Variants in ITPR2 observed in about 807,000 individuals in gnomAD.
ITPR2 encodes inositol 1,4,5-trisphosphate receptor type 2, also known as inositol 1,4,5-trisphosphate-gated calcium channel ITPR2.
ITPR2 carries 207 observed loss-of-function variants against 317.1 expected under a neutral mutation model. That is an observed-to-expected ratio of 0.65 (90% CI 0.58 to 0.73). The LOEUF (loss-of-function observed/expected upper bound fraction) is 0.73, where lower values mean the gene tolerates loss of function less well. Among genes scored for constraint, ITPR2 ranks in the 30% least tolerant of loss-of-function variants. The pLI, the probability that ITPR2 is intolerant of heterozygous loss-of-function variation, is 0.00. For synonymous variants in ITPR2, 1,156 were observed against 1,149.1 expected (o/e 1.01, Z -0.12); for missense variants, 2,613 against 3,284.0 (o/e 0.80, Z 4.99).
intron 2 of ITPR2, 42 bp from the exon 3 acceptor site, chr12:26,725,807 C>G (rs1300649714): frequency 7.7e-7 from 1 of 1,290,506 alleles, no homozygotes; most frequent in South Asian, 1.2e-5. Flanking sequence ...ACTAAGGCTA[C>G]TAGCATTTCT....
In ITPR2 at chr12:26,543,213, T is replaced by A. The variant is rs181935594; in HGVS notation, c.5073+7034A>T. Among the ~76,000 whole-genome samples, 71 of 152,280 alleles carry A rather than the reference T, an allele frequency of 4.7e-4. 1 individual carries two copies. The highest frequency in any genetic ancestry group is 4.3e-3 in the Admixed American group (66 of 15,302). On this transcript the variant is annotated intron_variant, in intron 37 of 56. Transcript: ENST00000381340. ...ACCTCATCAGCCCACCTCTATCCAA[T>A]CCACGTAAGCTCTTTCTGTCTCCAT...
intron 11 of ITPR2, among the ~76,000 whole-genome samples, chr12:26,684,433 A>G (rs1314239115): frequency 6.6e-6 from 1 of 152,228 alleles, no homozygotes; most frequent in Non-Finnish European, 1.5e-5. Context: ...CTTGAGAACC[A>G]CTGTTCCAAC....
intron 43 of ITPR2, among the ~76,000 whole-genome samples, chr12:26,477,216 T>C (rs550249722): frequency 8.4e-4 from 128 of 152,306 alleles, no homozygotes; most frequent in Non-Finnish European, 1.5e-3. Flanking sequence ...ATGAGAGCTA[T>C]GTTACAAGAG....
intron 48 of ITPR2, among the ~76,000 whole-genome samples, chr12:26,429,690 G>A (rs1318442181): frequency 6.6e-6 from 1 of 152,172 alleles, no homozygotes; most frequent in African/African-American, 2.4e-5. Flanking sequence ...ATAAAAATTT[G>A]TTGATTGAGT....
chr12:26,500,163 G>T (rs1490548861), intron 37 of ITPR2, among the ~76,000 whole-genome samples: 2 of 152,166 alleles, frequency 1.3e-5, no homozygotes, highest in Non-Finnish European at 2.9e-5. Flanking sequence ...TGCTTTTGGG[G>T]CATTCTTGAT....
At chr12:26,584,254 C>T (rs895870450) in intron 32 of ITPR2, among the ~76,000 whole-genome samples, 2 of 152,060 alleles carry the variant, frequency 1.3e-5, no homozygotes, top group African/African-American at 2.4e-5. Flanking sequence ...TATAAGGCAA[C>T]ATTTCACAAA....
intron 47 of ITPR2, among the ~76,000 whole-genome samples, chr12:26,437,415 G>A (rs573706823): frequency 8.5e-5 from 13 of 152,266 alleles, no homozygotes; most frequent in East Asian, 1.9e-4. Context: ...TTCCAATGCC[G>A]AAATATGCTA....
chr12:26,369,481 A>G (rs1037684605), intron 55 of ITPR2, among the ~76,000 whole-genome samples: 1 of 152,188 alleles, frequency 6.6e-6, no homozygotes, highest in African/African-American at 2.4e-5. Context: ...TGATGGAATG[A>G]ATGTACATCG....
chr12:26,670,051 G>A (rs1026477317), intron 13 of ITPR2, among the ~76,000 whole-genome samples: 1 of 152,242 alleles, frequency 6.6e-6, no homozygotes, highest in Non-Finnish European at 1.5e-5. Flanking sequence ...CCTGAAGCTC[G>A]AACTGGGTGA....
Position 26,833,142 on chromosome 12 carries a change from C to T in ITPR2, c.-361G>A, listed in dbSNP as rs1448338079. On this transcript the variant is annotated 5_prime_UTR_variant, in exon 1 of 57. Transcript: ENST00000381340. Reference sequence around the variant, plus strand: ...CCCTCTCCGCTCCCCACTCCGTGTCCACTCCCTGCTCTGCGACCCGCTGCG... The same window carrying T: ...CCCTCTCCGCTCCCCACTCCGTGTCTACTCCCTGCTCTGCGACCCGCTGCG... 2 of 246,914 alleles carry T rather than the reference C, an allele frequency of 8.1e-6. No individual in the cohort carries two copies. Among genetic ancestry groups the T allele is most frequent in the Non-Finnish European group, 7.7e-6 (1 of 129,766 alleles). The allele number at this position is 246,914 out of a possible 1,614,324, so 15.3% of individuals were successfully genotyped here.
chr12:26,404,794 G>T (rs1940294630), intron 52 of ITPR2, among the ~76,000 whole-genome samples: 1 of 152,160 alleles, frequency 6.6e-6, no homozygotes, highest in African/African-American at 2.4e-5. Context: ...CAATGGTCCA[G>T]CTGATGGTGG....
Position 26,483,829 on chromosome 12 carries a change from A to G in ITPR2, c.5881T>C (p.Cys1961Arg). 3.1e-6 allele frequency: 5 copies of G among 1,614,194 alleles called. No homozygotes were observed. Among genetic ancestry groups the G allele is most frequent in the Non-Finnish European group, 3.4e-6 (4 of 1,180,002 alleles). Residue 1961 changes from cysteine (C) to arginine (R), a missense_variant, in exon 42 of 57, where the codon TGC becomes CGC. Physicochemically the swap from Cys to Arg is radical, Grantham distance 180. Around this residue, in one of 9 missense-constraint regions of ITPR2, gnomAD observed 926 missense variants for 1,072.8 expected, o/e 0.86. Transcript: ENST00000381340. ...CCACCGGTTGTACTTCCACAAATGCAGTCCAGAAACTGAAGGGTCTCACAG... is the reference window on the plus strand; with the variant it reads ...CCACCGGTTGTACTTCCACAAATGCGGTCCAGAAACTGAAGGGTCTCACAG... ...LVCETLQFLD[C>R]ICGSTTGGLG...
At chr12:26,506,960 T>G (rs910815158) in intron 37 of ITPR2, among the ~76,000 whole-genome samples, 4 of 152,260 alleles carry the variant, frequency 2.6e-5, no homozygotes, top group African/African-American at 9.6e-5. Context: ...AAGATAAAGA[T>G]AATTCTTTTA....
chr12:26,597,861 GGT>G (rs1591945375), intron 30 of ITPR2, among the ~76,000 whole-genome samples: 2 of 152,078 alleles, frequency 1.3e-5, no homozygotes, highest in East Asian at 3.8e-4. Context: ...GAGATACATT[GGT>G]GGGTAACTAA....
intron 2 of ITPR2, among the ~76,000 whole-genome samples, chr12:26,756,230 A>C (rs1383042222): frequency 1.3e-5 from 2 of 152,334 alleles, no homozygotes; most frequent in South Asian, 2.1e-4. Context: ...TAGTCTCATC[A>C]GTTGTTTTTA....
chr12:26,658,090 T>C lies in ITPR2; in HGVS notation c.1927A>G (p.Thr643Ala). The C allele has an allele frequency of 6.2e-7, 1 of 1,611,846 alleles. No homozygotes were observed. The highest frequency in any genetic ancestry group is 1.3e-5 in the African/African-American group (1 of 74,914). ...YLSDLCVSNT[T>A]AIPVTQELIC... Reference sequence around the variant, plus strand: ...AGTTCTTGAGTTACAGGGATAGCAGTGGTATTAGACACACACAGATCTGAC... The same window carrying C: ...AGTTCTTGAGTTACAGGGATAGCAGCGGTATTAGACACACACAGATCTGAC... Residue 643 changes from threonine (T) to alanine (A), a missense_variant, in exon 17 of 57, where the codon ACT becomes GCT. Thr to Ala is a moderately conservative substitution (Grantham distance 58). This residue lies in a region of ITPR2 where 515 missense variants were observed against 789.4 expected (regional missense o/e 0.65). Coordinates refer to ENST00000381340, the MANE Select transcript of ITPR2 (RefSeq NM_002223.4).
chr12:26,707,688 C>T (rs1407328453), intron 9 of ITPR2, among the ~76,000 whole-genome samples: 1 of 152,186 alleles, frequency 6.6e-6, no homozygotes, highest in African/African-American at 2.4e-5. Flanking sequence ...CACCCGCCAT[C>T]ATGCCTGGCT....
At chr12:26,635,584 G>C (rs1352628638) in intron 21 of ITPR2, among the ~76,000 whole-genome samples, 1 of 152,126 alleles carries the variant, frequency 6.6e-6, no homozygotes, top group Non-Finnish European at 1.5e-5. Context: ...GCCAAAAATG[G>C]ATAATCCAAA....
Position 26,371,863 on chromosome 12 carries a change from C to T in ITPR2, c.7857+15571G>A, listed in dbSNP as rs11048486. On this transcript the variant is annotated intron_variant, in intron 55 of 56. Transcript: ENST00000381340. Reference sequence around the variant, plus strand: ...TGATTTTCCTTCTGCCAGACTCTTGCCCCTTCATGAAATCCTGCTATAGAC... The same window carrying T: ...TGATTTTCCTTCTGCCAGACTCTTGTCCCTTCATGAAATCCTGCTATAGAC... 3.2e-4 allele frequency among the ~76,000 whole-genome samples: 49 copies of T among 152,094 alleles called. 1 individual carries two copies. The highest frequency in any genetic ancestry group is 3.4e-3 in the Middle Eastern group (1 of 294).
Sources: allele counts gnomAD v4.1 joint callset (sites outside exome capture counted in the v4.1 genomes callset), GRCh38; gene constraint gnomAD v4.1.1; regional missense constraint gnomAD v4.1.1; transcripts MANE v1.5; gene names NCBI Gene and HGNC (gene_info 2026-07-23, HGNC 2026-07-21).